The following CAT variants were observed in gnomAD, a reference collection of about 807,000 sequenced individuals.
The protein encoded by CAT is catalase.
CAT carries 43 observed loss-of-function variants against 59.0 expected under a neutral mutation model. The observed-to-expected ratio is 0.73, with a 90% CI of 0.57 to 0.94. The LOEUF (loss-of-function observed/expected upper bound fraction) is 0.94. CAT is among the 40% of genes least tolerant of loss of function. CAT has a pLI of 0.00. For missense variants in CAT, 664 were observed against 682.9 expected (o/e 0.97, Z 0.31); for synonymous variants, 218 against 230.9 (o/e 0.94, Z 0.51).
chr11:34,471,372 C>T lies in CAT; in HGVS notation c.1523C>T (p.Ala508Val), dbSNP rs766576280. 3.2e-5 allele frequency: 51 copies of T among 1,613,502 alleles called. No homozygotes were observed. The highest frequency in any genetic ancestry group is 3.9e-5 in the Non-Finnish European group (46 of 1,179,554). Reference sequence around the variant, plus strand: ...CATCTTGTTCTTTTAAAACAGAATGCGATTCACACCTTTGTGCAGTCCGGA... The same window carrying T: ...CATCTTGTTCTTTTAAAACAGAATGTGATTCACACCTTTGTGCAGTCCGGA... ...DKYNAEKPKNAIHTFVQSGSH... is the reference protein window; with the variant it reads ...DKYNAEKPKNVIHTFVQSGSH... Residue 508 changes from alanine (A) to valine (V), a missense_variant, in exon 13 of 13, where the codon GCG (alanine) becomes GTG (valine). Ala to Val is a moderately conservative substitution (Grantham distance 64). Coordinates refer to ENST00000241052, the MANE Select transcript of CAT (RefSeq NM_001752.4).
At chr11:34,463,922 T>G (rs931078649) in intron 9 of CAT, among the ~76,000 whole-genome samples, 183 bp from the exon 10 acceptor site, 1 of 152,246 alleles carries the variant, frequency 6.6e-6, no homozygotes, top group African/African-American at 2.4e-5. Context: ...CCTAAGAATC[T>G]TCATACTACC....
chr11:34,471,290 A>G lies in CAT; in HGVS notation c.1519-78A>G. ...ATTCTGAATTATTATTTTCATTTGC[A>G]TACATATTAAAACTGAGTAAATATC... On this transcript the variant is annotated intron_variant, in intron 12 of 12. Coordinates refer to ENST00000241052, the MANE Select transcript of CAT (RefSeq NM_001752.4). 11 of 1,116,392 alleles carry G rather than the reference A, an allele frequency of 9.9e-6. No homozygotes were observed. The Admixed American group carries it at 1.7e-4, about 17-fold the overall frequency. 69.2% of individuals were successfully genotyped at this position (1,116,392 alleles called of 1,614,324 possible).
intron 1 of CAT, among the ~76,000 whole-genome samples, chr11:34,447,515 A>G (rs543871815): frequency 2.0e-5 from 3 of 152,288 alleles, no homozygotes; most frequent in Non-Finnish European, 4.4e-5. Flanking sequence ...CAACATATGT[A>G]TCTTCAAAAG....
At chr11:34,454,395 G>A (rs1856565369) in intron 6 of CAT, among the ~76,000 whole-genome samples, 1 of 152,148 alleles carries the variant, frequency 6.6e-6, no homozygotes, top group Non-Finnish European at 1.5e-5. Context: ...TATAAGCATG[G>A]CATTTGTTAC....
At chr11:34,463,961 A>T in intron 9 of CAT, 144 bp from the exon 10 acceptor site, 1 of 850,500 alleles carries the variant, frequency 1.2e-6, no homozygotes, top group Non-Finnish European at 2.0e-6. Flanking sequence ...ATTAAAAATA[A>T]TATGTGTGCG....
chr11:34,463,418 G>A (rs1361659008), intron 9 of CAT, among the ~76,000 whole-genome samples: 2 of 152,134 alleles, frequency 1.3e-5, no homozygotes, highest in African/African-American at 2.4e-5. Context: ...ATGGAACAAA[G>A]TCATCATTGT....
chr11:34,444,228 C>T (rs918628785), intron 1 of CAT, among the ~76,000 whole-genome samples: 1 of 152,032 alleles, frequency 6.6e-6, no homozygotes, highest in Non-Finnish European at 1.5e-5. Context: ...TAGGGAAGGG[C>T]GATTCAGAAG....
Position 34,468,433 on chromosome 11 carries a change from T to C in CAT, c.1434+38T>C, listed in dbSNP as rs1856743167. 1.3e-5 allele frequency: 19 copies of C among 1,414,142 alleles called. No homozygotes were observed. The East Asian group carries it at 4.3e-4, about 32-fold the overall frequency. The allele number at this position is 1,414,142 out of a possible 1,614,324, so 87.6% of individuals were successfully genotyped here. A position where few individuals can be genotyped will look rare whatever the true frequency, so the allele number is the denominator to read the frequency against. ...AAGCTGAAGGGTGTCCTCTGCTGGC[T>C]AAGGAAGACAGTGCAGCTGTGTGGG... On this transcript the variant is annotated intron_variant, in intron 11 of 12. Coordinates refer to ENST00000241052, the MANE Select transcript of CAT (RefSeq NM_001752.4).
At chr11:34,451,995 C>A in intron 3 of CAT, 82 bp from the exon 4 acceptor site, 1 of 1,441,068 alleles carries the variant, frequency 6.9e-7, no homozygotes, top group Non-Finnish European at 9.8e-7. Flanking sequence ...AAGGATGGAT[C>A]CAGGTGCTTC....
intron 1 of CAT, among the ~76,000 whole-genome samples, chr11:34,442,677 G>A (rs1377299475): frequency 3.3e-5 from 5 of 152,206 alleles, no homozygotes; most frequent in Non-Finnish European, 7.3e-5. Context: ...GGAGGTGGGT[G>A]GGTGCTCTGC....
intron 11 of CAT, among the ~76,000 whole-genome samples, chr11:34,470,189 A>G (rs1039098014): frequency 2.0e-5 from 3 of 152,136 alleles, no homozygotes; most frequent in Non-Finnish European, 2.9e-5. Context: ...CTCAGGTTTG[A>G]TAATTTGCTG....
chr11:34,466,704 C>T (rs1203415786), intron 10 of CAT, among the ~76,000 whole-genome samples: 2 of 146,108 alleles, frequency 1.4e-5, no homozygotes, highest in Non-Finnish European at 3.0e-5. Context: ...TGGCGTGAAC[C>T]CGGGAGGCGG....
intron 1 of CAT, among the ~76,000 whole-genome samples, chr11:34,448,731 A>G (rs956616877): frequency 2.6e-5 from 4 of 152,184 alleles, no homozygotes; most frequent in Non-Finnish European, 5.9e-5. Context: ...TAAACAAGGT[A>G]GCGCACTTGA....
At position 34,457,422 on chromosome 11, in the gene CAT, G is replaced by T. The variant is rs557027524; in HGVS notation, c.1056+605G>T. 1.4e-3 allele frequency among the ~76,000 whole-genome samples: 206 copies of T among 152,062 alleles called. 2 individuals are homozygous for T. The highest frequency in any genetic ancestry group is 2.4e-3 in the Non-Finnish European group (166 of 67,980). On this transcript the variant is annotated intron_variant, in intron 8 of 12. Coordinates refer to ENST00000241052, the MANE Select transcript of CAT (RefSeq NM_001752.4). ...GGGTTTCACCCTGTTGGCCAGGCTG[G>T]TCTCAAACTCCTGACCTCAAGTGAT...
chr11:34,445,151 G>A (rs1002040382), intron 1 of CAT, among the ~76,000 whole-genome samples: 1 of 151,952 alleles, frequency 6.6e-6, no homozygotes, highest in Non-Finnish European at 1.5e-5. Flanking sequence ...AGTGTATTAG[G>A]GATCAGGTAT....
At chr11:34,467,953 G>A (rs918009754) in intron 10 of CAT, among the ~76,000 whole-genome samples, 1 of 152,038 alleles carries the variant, frequency 6.6e-6, no homozygotes. Context: ...CAAAGGTATT[G>A]TGCTAAGTTT....
intron 10 of CAT, among the ~76,000 whole-genome samples, chr11:34,464,490 G>A (rs1432281969): frequency 6.6e-6 from 1 of 152,148 alleles, no homozygotes; most frequent in Non-Finnish European, 1.5e-5. Context: ...TATGGGGAGG[G>A]GGCATTGGGG....
chr11:34,460,936 G>A (rs1856642544), intron 8 of CAT: 1 of 380,680 alleles, frequency 2.6e-6, no homozygotes, highest in African/African-American at 2.1e-5. Flanking sequence ...TACTTCCTTG[G>A]GAATAGGAAG....
intron 10 of CAT, among the ~76,000 whole-genome samples, chr11:34,465,531 A>G (rs1020902302): frequency 6.6e-6 from 1 of 152,228 alleles, no homozygotes; most frequent in African/African-American, 2.4e-5. Context: ...AAACCAGCTC[A>G]TACAACCCCT....
Sources: gnomAD v4.1 joint callset for allele counts (sites outside exome capture counted in the v4.1 genomes callset) on GRCh38, gnomAD v4.1.1 for gene constraint, MANE v1.5 for transcripts, NCBI Gene and HGNC (gene_info 2026-07-23, HGNC 2026-07-21) for gene names.